The following EML6 variants were observed in gnomAD, a reference collection of about 807,000 sequenced individuals.
EML6 encodes the protein EMAP like 6.
In EML6, 154 loss-of-function variants were observed where a neutral mutation model predicts 240.1. That is an observed-to-expected ratio of 0.64 (90% CI 0.56 to 0.73). The LOEUF (loss-of-function observed/expected upper bound fraction) is 0.73. EML6 is among the 30% of genes least tolerant of loss of function. The pLI is 0.00. For missense variants in EML6, 2,964 were observed against 2,474.6 expected (o/e 1.20, Z -4.20); for synonymous variants, 1,148 against 899.0 (o/e 1.28, Z -4.95).
At position 54,725,037 on chromosome 2, in the gene EML6, G is replaced by T. The variant is rs1682843057; in HGVS notation, c.-25G>T. ...GGACGGCCCCGGCGCGCGGGGGGGC[G>T]GGGGGCGCGCGGGGTCGGCTTATCA... On this transcript the variant is annotated 5_prime_UTR_variant, in exon 2 of 42. Coordinates refer to ENST00000356458, the MANE Select transcript of EML6 (RefSeq NM_001039753.4). This position sits in a 1 kb window ranked among gnomAD's most constrained non-coding sequence, Gnocchi z 4.3. 3 of 1,486,660 alleles carry T rather than the reference G, an allele frequency of 2.0e-6. No individual in the cohort carries two copies. The highest frequency in any genetic ancestry group is 2.7e-6 in the Non-Finnish European group (3 of 1,118,222). 92.1% of individuals were successfully genotyped at this position (1,486,660 alleles called of 1,614,324 possible).
At chr2:54,787,932 C>A (rs1332842921) in intron 2 of EML6, among the ~76,000 whole-genome samples, 1 of 152,176 alleles carries the variant, frequency 6.6e-6, no homozygotes, top group African/African-American at 2.4e-5. Context: ...TTGAAACTTC[C>A]CTCACCTGTG....
At chr2:54,818,422 G>T (rs898739029) in intron 4 of EML6, among the ~76,000 whole-genome samples, 41 of 152,206 alleles carry the variant, frequency 2.7e-4, no homozygotes, top group African/African-American at 9.2e-4. Context: ...TCAGCCAATG[G>T]CAGGCTGCCA....
Position 54,971,558 on chromosome 2 carries a change from CTAAATGGATTAGATCACTCAT to C in EML6, c.*1467_*1487del, listed in dbSNP as rs1677013594. On this transcript the variant is annotated 3_prime_UTR_variant, in exon 42 of 42. Transcript: ENST00000356458. The stretch of plus-strand genomic sequence containing the variant: ...TTTACCACAGAAGTGCTTCAGCATT[CTAAATGGATTAGATCACTCAT>C]TAAGCTATTTTTATATGCCAATTTA... 6.6e-6 allele frequency: 1 copy of C among 152,224 alleles called. No homozygotes were observed. Among genetic ancestry groups the C allele is most frequent in the Admixed American group, 6.5e-5 (1 of 15,290 alleles). 9.4% of individuals were successfully genotyped at this position (152,224 alleles called of 1,614,324 possible). A position where few individuals can be genotyped will look rare whatever the true frequency, so the allele number is the denominator to read the frequency against.
intron 24 of EML6, among the ~76,000 whole-genome samples, 200 bp downstream of exon 24, chr2:54,903,702 G>C (rs1435835321): frequency 1.3e-5 from 2 of 152,198 alleles, no homozygotes; most frequent in African/African-American, 2.4e-5. Context: ...TTTACGCTTA[G>C]GATGATTATT....
chr2:54,793,650 T>C (rs1431680210), intron 2 of EML6, among the ~76,000 whole-genome samples: 1 of 152,132 alleles, frequency 6.6e-6, no homozygotes, highest in Non-Finnish European at 1.5e-5. Flanking sequence ...GTACCCCAGT[T>C]CTTTTCAGGA....
At chr2:54,827,807 G>A (rs867024790) in intron 6 of EML6, 56 bp downstream of exon 6, 15 of 1,234,134 alleles carry the variant, frequency 1.2e-5, no homozygotes, top group Admixed American at 2.0e-5. Flanking sequence ...GTAAGACCAC[G>A]AATCCCTCCC....
chr2:54,923,797 A>C (rs917091145), intron 26 of EML6, among the ~76,000 whole-genome samples: 2 of 151,844 alleles, frequency 1.3e-5, no homozygotes, highest in Admixed American at 6.6e-5. Flanking sequence ...GCCAGTCCCC[A>C]TGCCCCCTCC....
chr2:54,758,780 G>C (rs955335037), intron 2 of EML6, among the ~76,000 whole-genome samples: 4 of 152,062 alleles, frequency 2.6e-5, no homozygotes, highest in African/African-American at 9.7e-5. Context: ...TGTTTTAAGA[G>C]GCTTTGCAGG....
At chr2:54,853,588 A>C in intron 10 of EML6, 55 bp from the exon 11 acceptor site, 1 of 1,106,720 alleles carries the variant, frequency 9.0e-7, no homozygotes, top group Non-Finnish European at 1.2e-6. Context: ...TTTATAAAAA[A>C]TAAATTAGAA....
chr2:54,900,029 G>C (rs150397424), intron 22 of EML6, among the ~76,000 whole-genome samples: 2 of 152,158 alleles, frequency 1.3e-5, no homozygotes, highest in Admixed American at 6.5e-5. Context: ...TTTGCCACCT[G>C]GGGGCAATAT....
At chr2:54,765,390 A>G (rs535230963) in intron 2 of EML6, among the ~76,000 whole-genome samples, 1 of 152,306 alleles carries the variant, frequency 6.6e-6, no homozygotes, top group East Asian at 1.9e-4. Context: ...CCTCTTTTGA[A>G]CTGTTCTCTG....
Position 54,734,195 on chromosome 2 carries a change from G to A in EML6, c.197+8937G>A, listed in dbSNP as rs374839370. 1.1e-3 allele frequency among the ~76,000 whole-genome samples: 173 copies of A among 152,186 alleles called. 2 individuals carry two copies. In the South Asian group the frequency reaches 0.031, roughly 27 times the overall value. On this transcript the variant is annotated intron_variant, in intron 2 of 41. Coordinates refer to ENST00000356458, the MANE Select transcript of EML6 (RefSeq NM_001039753.4). ...CTCTACTAAAATACAAAAATTAGCC[G>A]GGCATGATGGCGGGTGCCTGTAATC...
intron 28 of EML6, among the ~76,000 whole-genome samples, chr2:54,945,081 C>A (rs867321968): frequency 1.2e-4 from 15 of 120,764 alleles, no homozygotes; most frequent in Admixed American, 2.4e-4. Context: ...TTCTCCCATT[C>A]CTCCCTCTCT....
At chr2:54,743,390 C>T (rs968106525) in intron 2 of EML6, among the ~76,000 whole-genome samples, 13 of 152,228 alleles carry the variant, frequency 8.5e-5, no homozygotes, top group African/African-American at 3.1e-4. Context: ...TTTTTCTCAT[C>T]AATGTTGTAA....
At chr2:54,823,553 G>T (rs1668429189) in intron 5 of EML6, among the ~76,000 whole-genome samples, 1 of 152,134 alleles carries the variant, frequency 6.6e-6, no homozygotes, top group Non-Finnish European at 1.5e-5. Context: ...ATTAGTCAAA[G>T]ATGTTATCTG....
chr2:54,955,820 A>T (rs569318336), intron 32 of EML6, among the ~76,000 whole-genome samples: 1 of 152,194 alleles, frequency 6.6e-6, no homozygotes, highest in South Asian at 2.1e-4. Flanking sequence ...TATGTGACCT[A>T]TCGCTAGCCA....
intron 7 of EML6, among the ~76,000 whole-genome samples, chr2:54,837,579 CTCA>C (rs1355959437): frequency 6.6e-6 from 1 of 152,156 alleles, no homozygotes; most frequent in African/African-American, 2.4e-5. Flanking sequence ...TTGTCATTTG[CTCA>C]TCATCTTTGG....
chr2:54,938,515 A>T (rs1376730773), intron 28 of EML6, among the ~76,000 whole-genome samples: 6 of 152,168 alleles, frequency 3.9e-5, no homozygotes, highest in Non-Finnish European at 8.8e-5. Context: ...TGTATTTTAT[A>T]CTTTTCTACC....
intron 2 of EML6, among the ~76,000 whole-genome samples, chr2:54,784,330 C>T (rs1437161302): frequency 6.6e-6 from 1 of 152,092 alleles, no homozygotes; most frequent in Non-Finnish European, 1.5e-5. Flanking sequence ...GTGCCTATCA[C>T]TTTTTTGCTA....
Sources: gnomAD v4.1 joint callset for allele counts (sites outside exome capture counted in the v4.1 genomes callset) on GRCh38, gnomAD v4.1.1 for gene constraint, Gnocchi (gnomAD v3.1) non-coding constraint, MANE v1.5 for transcripts, NCBI Gene and HGNC (gene_info 2026-07-23, HGNC 2026-07-21) for gene names.